PLA2G4E: variants seen among roughly 807,000 people sequenced by gnomAD.
The protein encoded by PLA2G4E is phospholipase A2 group IVE, also known as cytosolic phospholipase A2 epsilon.
PLA2G4E carries 84 observed loss-of-function variants against 109.1 expected under a neutral mutation model. That is an observed-to-expected ratio of 0.77 (90% CI 0.65 to 0.92). PLA2G4E has a LOEUF of 0.92. Ranked by LOEUF, PLA2G4E falls within the 40% of genes least tolerant of loss-of-function variation. PLA2G4E has a pLI of 0.00. For synonymous variants in PLA2G4E, 469 were observed against 436.1 expected, an observed-to-expected ratio of 1.08 and a Z score of -0.94; for missense variants, 1,057 against 1,076.6, an observed-to-expected ratio of 0.98 and a Z score of 0.25.
intron 1 of PLA2G4E, among the ~76,000 whole-genome samples, chr15:42,031,426 T>C (rs1216151148): frequency 1.3e-5 from 2 of 152,210 alleles, no homozygotes; most frequent in Non-Finnish European, 2.9e-5. Context: ...AGTGATGGCA[T>C]GTCTGGGCTC....
At chr15:41,982,863 C>T (rs1442945437) in exon 20 of PLA2G4E, 20 of 152,232 alleles carry the variant, frequency 1.3e-4, no homozygotes, top group Admixed American at 2.6e-4. Context: ...AAACCGGCCA[C>T]CTATTTGGCT....
At chr15:42,001,494 G>A (rs993350117) in intron 6 of PLA2G4E, among the ~76,000 whole-genome samples, 10 of 152,168 alleles carry the variant, frequency 6.6e-5, no homozygotes, top group Non-Finnish European at 1.2e-4. Context: ...GCTGCAGGTC[G>A]GGAATCTGAC....
chr15:42,035,213 T>G (rs946717253), intron 1 of PLA2G4E, among the ~76,000 whole-genome samples: 1 of 152,246 alleles, frequency 6.6e-6, no homozygotes, highest in Non-Finnish European at 1.5e-5. Flanking sequence ...TCTTCTCGCC[T>G]CATTTCCAGG....
intron 1 of PLA2G4E, among the ~76,000 whole-genome samples, chr15:42,019,450 T>C (rs2068627204): frequency 6.6e-6 from 1 of 152,076 alleles, no homozygotes; most frequent in East Asian, 1.9e-4. Context: ...CAGCAAACCA[T>C]CCCATGAAGT....
At chr15:41,992,636 T>G in intron 13 of PLA2G4E, 101 bp downstream of exon 13, 2 of 1,167,868 alleles carry the variant, frequency 1.7e-6, no homozygotes, top group Non-Finnish European at 2.4e-6. Flanking sequence ...AGGTCTAACC[T>G]AATCCCCTGT....
At chr15:41,989,497 G>A (rs369770170) in exon 15 of PLA2G4E, 12 of 1,613,958 alleles carry the variant, frequency 7.4e-6, no homozygotes, top group African/African-American at 1.3e-5. Flanking sequence ...GCTCGGAGGG[G>A]ATGAAGGCCC....
chr15:42,047,647 A>G (rs1430360171), intron 1 of PLA2G4E, among the ~76,000 whole-genome samples: 2 of 152,162 alleles, frequency 1.3e-5, no homozygotes, highest in Admixed American at 1.3e-4. Context: ...CGAAGATTCC[A>G]CTGTTACCCA....
chr15:42,029,302 C>T (rs148958081), intron 1 of PLA2G4E, among the ~76,000 whole-genome samples: 1,818 of 152,208 alleles, frequency 0.012, 32 homozygotes, highest in African/African-American at 0.041. Flanking sequence ...TGCCATGTTG[C>T]CCAGGCCAGT....
intron 1 of PLA2G4E, among the ~76,000 whole-genome samples, chr15:42,042,323 G>A (rs1889329403): frequency 6.6e-6 from 1 of 152,084 alleles, no homozygotes; most frequent in South Asian, 2.1e-4. Context: ...AGACTGGAAG[G>A]AAGTATATTA....
intron 19 of PLA2G4E, 134 bp downstream of exon 19, chr15:41,984,302 G>A (rs2068104397): frequency 1.0e-6 from 1 of 965,198 alleles, no homozygotes; most frequent in Admixed American, 2.9e-5. Flanking sequence ...GCCCTTCTTT[G>A]TGGAAGCCAA....
Position 41,997,110 on chromosome 15 carries a change from C to T in PLA2G4E, c.1110+14G>A. ...CCAGCTGGGCCCAGGCTGGCCACAT[C>T]CCTGATTACCCACCTCGTCCTCCTG... On this transcript the variant is annotated intron_variant, in intron 11 of 19. Coordinates refer to ENST00000399518, the Ensembl canonical transcript of PLA2G4E. 6.4e-7 allele frequency: 1 copy of T among 1,554,630 alleles called. No homozygotes were observed. The highest frequency in any genetic ancestry group is 8.7e-7 in the Non-Finnish European group (1 of 1,148,736).
chr15:42,010,923 G>A (rs181166562), intron 2 of PLA2G4E, among the ~76,000 whole-genome samples: 47 of 152,332 alleles, frequency 3.1e-4, no homozygotes, highest in Non-Finnish European at 5.9e-4. Context: ...AAGACTAAAT[G>A]GAAGTGCTGT....
At chr15:42,045,788 C>T (rs1038203837) in intron 1 of PLA2G4E, among the ~76,000 whole-genome samples, 7 of 152,184 alleles carry the variant, frequency 4.6e-5, no homozygotes, top group African/African-American at 1.7e-4. Context: ...GGCTTAAAAA[C>T]CTTCTACATT....
chr15:41,987,288 T>G (rs377526076), exon 17 of PLA2G4E: 4 of 1,613,984 alleles, frequency 2.5e-6, no homozygotes, highest in Admixed American at 1.7e-5. Flanking sequence ...TCGGAAAGAA[T>G]TGGACAGCCA....
chr15:41,996,378 A>T (rs2665201), intron 11 of PLA2G4E, among the ~76,000 whole-genome samples: 74,614 of 123,896 alleles, frequency 0.6, 24,104 homozygotes, highest in Non-Finnish European at 0.74. Flanking sequence ...AAAAAAAAAA[A>T]AGGAGGGAGG....
intron 3 of PLA2G4E, 52 bp from the exon 4 acceptor site, chr15:42,006,173 T>A: frequency 6.2e-7 from 1 of 1,604,574 alleles, no homozygotes; most frequent in Non-Finnish European, 8.5e-7. Context: ...CATTGACCCC[T>A]TCCCAGAACA....
chr15:42,015,926 C>T (rs1020932547), intron 1 of PLA2G4E, among the ~76,000 whole-genome samples: 9 of 152,238 alleles, frequency 5.9e-5, no homozygotes, highest in Admixed American at 3.3e-4. Flanking sequence ...TGTTGGAACT[C>T]ATGACTTGAA....
intron 11 of PLA2G4E, 102 bp downstream of exon 11, chr15:41,997,022 T>C: frequency 4.3e-6 from 6 of 1,385,450 alleles, no homozygotes; most frequent in Non-Finnish European, 5.7e-6. Flanking sequence ...AAAGCATCCA[T>C]GGAGGTGGCG....
chr15:41,983,405 C>A (rs895914008), exon 20 of PLA2G4E: 3 of 270,778 alleles, frequency 1.1e-5, no homozygotes, highest in Non-Finnish European at 2.1e-5. Context: ...GGAGGGCTGC[C>A]AGCCCTGGGC....
Sources: gnomAD v4.1 joint callset for allele counts (sites outside exome capture counted in the v4.1 genomes callset) on GRCh38, gnomAD v4.1.1 for gene constraint, MANE v1.5 for transcripts, NCBI Gene and HGNC (gene_info 2026-07-23, HGNC 2026-07-21) for gene names.